The following MIS18A variants were observed in gnomAD, a reference collection of about 807,000 sequenced individuals.
MIS18A encodes the protein MIS18 kinetochore protein A.
A neutral mutation model predicts 25.0 loss-of-function variants in MIS18A; 14 were observed. The observed-to-expected ratio is 0.56, with a 90% CI of 0.37 to 0.88. MIS18A has a LOEUF of 0.88. MIS18A is among the 40% of genes least tolerant of loss of function. The pLI is 0.00. For synonymous variants in MIS18A, 134 were observed against 118.6 expected (o/e 1.13, Z -0.84); for missense variants, 292 against 290.8 (o/e 1.00, Z -0.03).
At chr21:32,277,769 G>A (rs1210668333) in intron 1 of MIS18A, 1 of 152,112 alleles carries the variant, frequency 6.6e-6, no homozygotes, top group East Asian at 1.9e-4. Flanking sequence ...CAGGCCTGAG[G>A]CACCGCGCTC....
At chr21:32,262,730 GA>G in the MIS18A span, among the ~76,000 whole-genome samples, 163 of 152,048 alleles carry the variant, frequency 1.1e-3, 2 homozygotes, top group Middle Eastern at 6.8e-3. Context: ...ATTGTTCAGG[GA>G]AAAAAAGAGT....
At chr21:32,264,893 T>C (rs2031564327), downstream of MIS18A, among the ~76,000 whole-genome samples, 1 of 152,210 alleles carries the variant, frequency 6.6e-6, no homozygotes, top group South Asian at 2.1e-4. Flanking sequence ...TGGAAATGTA[T>C]GAGCATGACT....
the MIS18A span, among the ~76,000 whole-genome samples, chr21:32,195,473 G>C: frequency 2.0e-5 from 3 of 152,156 alleles, no homozygotes; most frequent in Admixed American, 2.0e-4. Context: ...CCCTCACCAC[G>C]GGGGCTGGCT....
chr21:32,174,334 G>A, the MIS18A span, among the ~76,000 whole-genome samples: 1 of 152,062 alleles, frequency 6.6e-6, no homozygotes, highest in African/African-American at 2.4e-5. Flanking sequence ...CTGTATAGAA[G>A]AAAGTTGAAA....
At chr21:32,189,481 G>A in the MIS18A span, among the ~76,000 whole-genome samples, 1 of 152,156 alleles carries the variant, frequency 6.6e-6, no homozygotes, top group Non-Finnish European at 1.5e-5. Context: ...GTTTCGCCAT[G>A]TTGCCCAGGC....
the MIS18A span, among the ~76,000 whole-genome samples, chr21:32,176,081 TG>T: frequency 6.6e-6 from 1 of 152,182 alleles, no homozygotes; most frequent in Non-Finnish European, 1.5e-5. Context: ...TGCTGTCTTC[TG>T]GAATACCTCC....
At chr21:32,200,680 C>T in the MIS18A span, among the ~76,000 whole-genome samples, 6 of 152,064 alleles carry the variant, frequency 3.9e-5, no homozygotes, top group African/African-American at 9.7e-5. Context: ...CCTCGTGATT[C>T]GCCTGCCTTG....
chr21:32,217,538 C>A, the MIS18A span, among the ~76,000 whole-genome samples: 1 of 152,116 alleles, frequency 6.6e-6, no homozygotes, highest in Non-Finnish European at 1.5e-5. Context: ...GAGAAAGGAT[C>A]AGAAAGAATA....
chr21:32,209,977 C>A, the MIS18A span, among the ~76,000 whole-genome samples: 1 of 152,100 alleles, frequency 6.6e-6, no homozygotes, highest in Non-Finnish European at 1.5e-5. Context: ...ATACAGAAAT[C>A]AAAACTCAGA....
rs754358776 is a variant in MIS18A, at chr21:32,278,831, C to G, written c.184G>C (p.Ala62Pro). Residue 62 changes from alanine to proline, a missense_variant, in exon 1 of 5, where the codon GCC (alanine) becomes CCC (proline). Physicochemically the swap from Ala to Pro is conservative, Grantham distance 27. Transcript: ENST00000290130. ...WSSMSEDASV[A>P]DMERAQLEEE... ...TCCAGCTGCGCCCTCTCCATGTCGGCCACCGACGCGTCTTCGCTCATGGAG... is the reference window on the plus strand; with the variant it reads ...TCCAGCTGCGCCCTCTCCATGTCGGGCACCGACGCGTCTTCGCTCATGGAG... 1.2e-6 allele frequency: 2 copies of G among 1,605,290 alleles called. No individual in the cohort carries two copies. The highest frequency in any genetic ancestry group is 1.1e-5 in the South Asian group (1 of 90,376).
At chr21:32,157,654 A>G in the MIS18A span, among the ~76,000 whole-genome samples, 22 of 151,526 alleles carry the variant, frequency 1.5e-4, no homozygotes, top group African/African-American at 5.3e-4. Context: ...CATATCAACT[A>G]TTTTCTTGGT....
chr21:32,231,248 A>T, the MIS18A span, among the ~76,000 whole-genome samples: 1 of 151,894 alleles, frequency 6.6e-6, no homozygotes, highest in Non-Finnish European at 1.5e-5. Flanking sequence ...AAAAAAAAAA[A>T]AAAAGACAAC....
At chr21:32,262,531 G>A in the MIS18A span, among the ~76,000 whole-genome samples, 2 of 152,184 alleles carry the variant, frequency 1.3e-5, no homozygotes, top group African/African-American at 2.4e-5. Flanking sequence ...ACGACATCCT[G>A]GAGAGACCTC....
the MIS18A span, among the ~76,000 whole-genome samples, chr21:32,230,634 G>A: frequency 6.6e-6 from 1 of 152,226 alleles, no homozygotes; most frequent in African/African-American, 2.4e-5. Context: ...TTAATTCAAT[G>A]GAAAAAGAAT....
the MIS18A span, among the ~76,000 whole-genome samples, chr21:32,194,691 A>C: frequency 6.6e-6 from 1 of 152,096 alleles, no homozygotes; most frequent in African/African-American, 2.4e-5. Flanking sequence ...AGATATAGAC[A>C]CCATGGAATA....
chr21:32,226,519 A>G, the MIS18A span, among the ~76,000 whole-genome samples: 4 of 152,208 alleles, frequency 2.6e-5, no homozygotes, highest in African/African-American at 7.2e-5. Flanking sequence ...TATAGTGATA[A>G]AAGTATCAAT....
the MIS18A span, among the ~76,000 whole-genome samples, chr21:32,238,621 C>G: frequency 2.6e-5 from 4 of 152,186 alleles, no homozygotes; most frequent in Non-Finnish European, 4.4e-5. Flanking sequence ...TCTGTTATCC[C>G]TTTGCCCCTT....
chr21:32,200,172 C>T, the MIS18A span, among the ~76,000 whole-genome samples: 3 of 152,208 alleles, frequency 2.0e-5, no homozygotes, highest in African/African-American at 7.2e-5. Context: ...AGCGCAAAAG[C>T]AGCCACAGAC....
chr21:32,269,804 C>A lies in MIS18A; in HGVS notation c.525-1G>T, dbSNP rs2031679558. 1 of 1,566,844 alleles carries A rather than the reference C, an allele frequency of 6.4e-7. No homozygotes were observed. The highest frequency in any genetic ancestry group is 1.4e-5 in the African/African-American group (1 of 73,880). ...CTTTTCAGAGGACCCTAAAACATAA[C>A]TGAAGTACGGTACAAGGTTAAAATA... On this transcript the variant is annotated splice_acceptor_variant, in intron 3 of 4. Transcript: ENST00000290130. LOFTEE classifies it high-confidence loss of function.
Sources: gnomAD v4.1 joint callset for allele counts (sites outside exome capture counted in the v4.1 genomes callset) on GRCh38, gnomAD v4.1.1 for gene constraint, MANE v1.5 for transcripts, NCBI Gene and HGNC (gene_info 2026-07-23, HGNC 2026-07-21) for gene names.